The following BBS9 variants were observed in gnomAD, a reference collection of about 807,000 sequenced individuals.
BBS9 encodes the protein protein PTHB1.
Under a neutral mutation model 117.7 loss-of-function variants are expected in BBS9, and 89 were observed. That is an observed-to-expected ratio of 0.76 (90% confidence interval 0.64 to 0.90). BBS9 has a LOEUF of 0.90. Among genes scored for constraint, BBS9 ranks in the 40% least tolerant of loss-of-function variants. BBS9 has a pLI of 0.00. For synonymous variants in BBS9, 379 were observed against 370.9 expected (o/e 1.02, Z -0.25); for missense variants, 982 against 1,042.2 (o/e 0.94, Z 0.80).
chr7:33,362,971 GT>G (rs1563064862), intron 16 of BBS9, among the ~76,000 whole-genome samples: 1 of 152,034 alleles, frequency 6.6e-6, no homozygotes, highest in Non-Finnish European at 1.5e-5. Flanking sequence ...GTTTCTCTCT[GT>G]GAGGGTTGGT....
At chr7:33,239,504 G>C (rs1794108128) in intron 5 of BBS9, among the ~76,000 whole-genome samples, 1 of 151,858 alleles carries the variant, frequency 6.6e-6, no homozygotes, top group South Asian at 2.1e-4. Context: ...CTGATTCCCT[G>C]GTTCAAGCGA....
Position 33,257,255 on chromosome 7 carries a change from C to G in BBS9, c.462C>G (p.Ile154Met), listed in dbSNP as rs1797222567. 6.2e-7 allele frequency: 1 copy of G among 1,611,378 alleles called. No homozygotes were observed. Among genetic ancestry groups the G allele is most frequent in the Admixed American group, 1.7e-5 (1 of 59,946 alleles). ...GGVKGRDLIC[I>M]QSMDGMLMVF... ...CTTTAGGTCGAGATTTAATTTGCAT[C>G]CAGTCTATGGATGGGATGCTGATGG... is the stretch of plus-strand genomic sequence containing the variant. The change falls in exon 6 of 23, where the codon ATC becomes ATG. Residue 154 changes from isoleucine (I) to methionine (M), a missense_variant. Coordinates refer to ENST00000242067, the MANE Select transcript of BBS9 (RefSeq NM_198428.3).
intron 1 of BBS9, among the ~76,000 whole-genome samples, chr7:33,140,756 C>A (rs1791326327): frequency 6.6e-6 from 1 of 152,126 alleles, no homozygotes. Flanking sequence ...AGTAATCTGA[C>A]AATTTGTATG....
chr7:33,540,406 A>C (rs1852099072), intron 21 of BBS9, among the ~76,000 whole-genome samples: 1 of 152,230 alleles, frequency 6.6e-6, no homozygotes, highest in Non-Finnish European at 1.5e-5. Flanking sequence ...AATAAACAGA[A>C]GACTGAGCTT....
chr7:33,608,897 T>G (rs1011721504), downstream of BBS9, among the ~76,000 whole-genome samples: 2 of 151,974 alleles, frequency 1.3e-5, no homozygotes, highest in Non-Finnish European at 2.9e-5. Flanking sequence ...TTTTGTTGCA[T>G]TTGCTTTTGA....
intron 19 of BBS9, among the ~76,000 whole-genome samples, chr7:33,489,881 AT>A (rs753433601): frequency 5.3e-5 from 8 of 152,178 alleles, no homozygotes; most frequent in Non-Finnish European, 1.2e-4. Flanking sequence ...GATACTTGTT[AT>A]TTTATCCAAA....
chr7:33,357,629 A>G, intron 15 of BBS9: 1 of 601,332 alleles, frequency 1.7e-6, no homozygotes, highest in Non-Finnish European at 3.0e-6. Context: ...GACAGATCTC[A>G]TGTCTATGCT....
At chr7:33,177,330 T>C in intron 4 of BBS9, 148 bp from the exon 5 acceptor site, 1 of 646,006 alleles carries the variant, frequency 1.5e-6, no homozygotes, top group East Asian at 2.8e-5. Context: ...GTGTCATCAG[T>C]ATGCTAATTT....
chr7:33,152,200 T>G (rs559669440), intron 2 of BBS9, among the ~76,000 whole-genome samples: 1 of 152,304 alleles, frequency 6.6e-6, no homozygotes, highest in South Asian at 2.1e-4. Flanking sequence ...TATCTTTTTT[T>G]GGGGGGACAC....
rs17169881 is a variant in BBS9 at position 33,152,890 on chromosome 7, A to G, written c.263+39A>G. On this transcript the variant is annotated intron_variant, in intron 3 of 22. Transcript: ENST00000242067. The stretch of plus-strand genomic sequence containing the variant: ...CTAATTCTGGTATTTTACTTGGAGT[A>G]TGTCAATCCTTTACAGTGTCACTTT... 297,096 of 1,599,346 alleles carry G rather than the reference A, an allele frequency of 0.19. 28,741 individuals carry two copies. Among genetic ancestry groups the G allele is most frequent in the South Asian group, 0.23 (21,100 of 90,718 alleles).
At chr7:33,330,828 A>G (rs1389354254) in intron 9 of BBS9, among the ~76,000 whole-genome samples, 2 of 152,198 alleles carry the variant, frequency 1.3e-5, no homozygotes, top group African/African-American at 4.8e-5. Flanking sequence ...TGCACTTCAC[A>G]GACCGATAAT....
At chr7:33,216,483 G>T (rs911933634) in intron 5 of BBS9, among the ~76,000 whole-genome samples, 1 of 152,150 alleles carries the variant, frequency 6.6e-6, no homozygotes, top group Non-Finnish European at 1.5e-5. Flanking sequence ...TCCAATCAAG[G>T]TAACAAACCA....
chr7:33,556,075 G>A (rs1159301053), intron 21 of BBS9, among the ~76,000 whole-genome samples: 4 of 152,158 alleles, frequency 2.6e-5, no homozygotes, highest in African/African-American at 9.7e-5. Context: ...GAAGTAGTAC[G>A]TATTTGGATT....
intron 19 of BBS9, among the ~76,000 whole-genome samples, chr7:33,487,460 A>G (rs1446281469): frequency 6.6e-6 from 1 of 152,218 alleles, no homozygotes; most frequent in African/African-American, 2.4e-5. Context: ...TTGGCCCCTA[A>G]AAAACTAAAT....
chr7:33,291,931 G>A, intron 9 of BBS9, among the ~76,000 whole-genome samples: 1 of 152,070 alleles, frequency 6.6e-6, no homozygotes, highest in Non-Finnish European at 1.5e-5. Context: ...CAAGTCTTTG[G>A]GGAGAACTAC....
chr7:33,213,433 G>A (rs912220245), intron 5 of BBS9, among the ~76,000 whole-genome samples: 1 of 152,224 alleles, frequency 6.6e-6, no homozygotes, highest in Non-Finnish European at 1.5e-5. Flanking sequence ...AAGAGCCTAA[G>A]CCTGGACTTG....
intron 21 of BBS9, among the ~76,000 whole-genome samples, chr7:33,614,557 G>T (rs116365136): frequency 2.0e-5 from 3 of 151,994 alleles, no homozygotes; most frequent in Non-Finnish European, 4.4e-5. Flanking sequence ...GTGGTTTGGA[G>T]AAAAATACAG....
At chr7:33,190,336 T>C (rs115951079) in intron 5 of BBS9, among the ~76,000 whole-genome samples, 66 of 152,248 alleles carry the variant, frequency 4.3e-4, no homozygotes, top group African/African-American at 1.6e-3. Flanking sequence ...TATTTTGAGC[T>C]TACCTGTTAA....
At chr7:33,300,809 T>C (rs12537278) in intron 9 of BBS9, among the ~76,000 whole-genome samples, 125,863 of 152,040 alleles carry the variant, frequency 0.83, 52,146 homozygotes, top group Admixed American at 0.86. Flanking sequence ...TTATTTTTCC[T>C]TCTGCCTAAA....
Sources: allele counts gnomAD v4.1 joint callset (sites outside exome capture counted in the v4.1 genomes callset), GRCh38; gene constraint gnomAD v4.1.1; transcripts MANE v1.5; gene names NCBI Gene and HGNC (gene_info 2026-07-23, HGNC 2026-07-21).